SULF1: variants seen among roughly 807,000 people sequenced by gnomAD.
The protein encoded by SULF1 is extracellular sulfatase Sulf-1.
SULF1 carries 46 observed loss-of-function variants against 110.5 expected under a neutral mutation model. The ratio of observed to expected loss-of-function variants is 0.42; its 90% CI spans 0.33 to 0.53. SULF1 has a LOEUF of 0.53. SULF1 is among the 20% of genes least tolerant of loss of function. SULF1 has a pLI of 0.12. For missense variants in SULF1, 941 were observed against 1,094.2 expected, an observed-to-expected ratio of 0.86 and a Z score of 1.98; for synonymous variants, 371 against 387.1, an observed-to-expected ratio of 0.96 and a Z score of 0.49.
At chr8:69,470,518 C>G (rs1193787938) in intron 1 of SULF1, among the ~76,000 whole-genome samples, 2 of 152,076 alleles carry the variant, frequency 1.3e-5, no homozygotes, top group African/African-American at 4.8e-5. Context: ...AGTCTGTCAT[C>G]AAATTCTGTG....
intron 5 of SULF1, among the ~76,000 whole-genome samples, chr8:69,566,926 G>A (rs1815922990): frequency 6.6e-6 from 1 of 152,166 alleles, no homozygotes; most frequent in South Asian, 2.1e-4. Flanking sequence ...TTTAATTTAG[G>A]TATGAGAAAA....
At chr8:69,585,795 T>A (rs904757192) in intron 6 of SULF1, among the ~76,000 whole-genome samples, 2 of 152,322 alleles carry the variant, frequency 1.3e-5, no homozygotes, top group Middle Eastern at 3.4e-3. Flanking sequence ...ATACTATACA[T>A]GTGATATAAA....
At chr8:69,652,243 G>A (rs1321793009) in intron 22 of SULF1, among the ~76,000 whole-genome samples, 1 of 152,098 alleles carries the variant, frequency 6.6e-6, no homozygotes, top group Non-Finnish European at 1.5e-5. Context: ...CCAATCTCAG[G>A]ATCCATGACT....
chr8:69,479,882 T>C (rs978147647), intron 1 of SULF1, among the ~76,000 whole-genome samples: 9 of 152,162 alleles, frequency 5.9e-5, no homozygotes, highest in African/African-American at 9.6e-5. Flanking sequence ...CCACTTTACA[T>C]TGGGACCCGA....
chr8:69,617,804 A>G (rs1335057605), intron 13 of SULF1, among the ~76,000 whole-genome samples: 2 of 152,156 alleles, frequency 1.3e-5, no homozygotes, highest in African/African-American at 2.4e-5. Flanking sequence ...AACAACGCAC[A>G]TAGTCCTGAA....
chr8:69,557,040 C>T (rs527951493), intron 3 of SULF1, among the ~76,000 whole-genome samples: 1 of 152,160 alleles, frequency 6.6e-6, no homozygotes, highest in Non-Finnish European at 1.5e-5. Flanking sequence ...TCTGTTCCTA[C>T]GTTAGTTTGC....
At chr8:69,510,460 T>C (rs996021440) in intron 3 of SULF1, among the ~76,000 whole-genome samples, 1 of 152,204 alleles carries the variant, frequency 6.6e-6, no homozygotes, top group African/African-American at 2.4e-5. Flanking sequence ...TTCTGAAGAT[T>C]AGATGATTTC....
At chr8:69,603,547 C>T in intron 11 of SULF1, 53 bp from the exon 12 acceptor site, 2 of 1,460,898 alleles carry the variant, frequency 1.4e-6, no homozygotes, top group Non-Finnish European at 1.9e-6. Flanking sequence ...AGCACAGATC[C>T]ATTTGGAAAA....
intron 8 of SULF1, among the ~76,000 whole-genome samples, chr8:69,598,042 G>A (rs1014657894): frequency 1.3e-5 from 2 of 151,608 alleles, no homozygotes; most frequent in East Asian, 1.9e-4. Context: ...ACGAAACATG[G>A]GCTTAAGTCC....
chr8:69,557,512 TC>T (rs1470972567), intron 3 of SULF1, among the ~76,000 whole-genome samples: 1 of 152,180 alleles, frequency 6.6e-6, no homozygotes, highest in Non-Finnish European at 1.5e-5. Flanking sequence ...TCTCACTTCA[TC>T]CTTCTCACTC....
At chr8:69,602,254 T>G (rs1807887743) in intron 10 of SULF1, among the ~76,000 whole-genome samples, 1 of 152,212 alleles carries the variant, frequency 6.6e-6, no homozygotes, top group Non-Finnish European at 1.5e-5. Context: ...AAAGCTGGCT[T>G]TTCTTTTAAA....
intron 3 of SULF1, among the ~76,000 whole-genome samples, chr8:69,532,960 AT>A (rs1813192213): frequency 6.6e-6 from 1 of 152,242 alleles, no homozygotes; most frequent in South Asian, 2.1e-4. Context: ...TACAAATAAG[AT>A]TTAGATGTAC....
intron 13 of SULF1, among the ~76,000 whole-genome samples, chr8:69,618,222 G>T (rs1332507667): frequency 6.6e-6 from 1 of 152,150 alleles, no homozygotes; most frequent in Admixed American, 6.5e-5. Context: ...TCTTGTTTGT[G>T]TTGCCTTTTT....
At position 69,471,408 on chromosome 8, in the gene SULF1, A is replaced by C. The variant is rs561599874; in HGVS notation, c.-391+4458A>C. On this transcript the variant is annotated intron_variant, in intron 1 of 22. Coordinates refer to the SULF1 transcript ENST00000260128. Reference sequence around the variant, plus strand: ...CACCCAGGACAGGAAACGAAAAAAAAAAAAATGAAACTCAGTGGGTTTTAT... The same window carrying C: ...CACCCAGGACAGGAAACGAAAAAAACAAAAATGAAACTCAGTGGGTTTTAT... 5.3e-3 allele frequency among the ~76,000 whole-genome samples: 810 copies of C among 152,320 alleles called. 5 individuals are homozygous for C. The highest frequency in any genetic ancestry group is 0.017 in the African/African-American group (700 of 41,566).
At chr8:69,634,912 A>G (rs1263166455) in intron 19 of SULF1, among the ~76,000 whole-genome samples, 4 of 152,084 alleles carry the variant, frequency 2.6e-5, no homozygotes, top group Non-Finnish European at 5.9e-5. Flanking sequence ...GGTTCAAGTG[A>G]TTCTCCTGCC....
In SULF1 at chr8:69,601,862, TCG is replaced by T. The variant is rs760514495; in HGVS notation, c.1061+34_1061+35del. On this transcript the variant is annotated intron_variant, in intron 10 of 22. Coordinates refer to ENST00000402687, the MANE Select transcript of SULF1 (RefSeq NM_001128205.2). Reference sequence around the variant, plus strand: ...TTTCTCTGTTTGCAACATTCAACTGTCGTACCTCAAGTGTGTCTAAGATAATT... The same window carrying T: ...TTTCTCTGTTTGCAACATTCAACTGTTACCTCAAGTGTGTCTAAGATAATT... 5.1e-6 allele frequency: 8 copies of T among 1,572,268 alleles called. No homozygotes were observed. The Admixed American group carries it at 1.4e-4, about 28-fold the overall frequency.
At position 69,563,939 on chromosome 8, in the gene SULF1, G is replaced by A; in HGVS notation, c.-37G>A. 1 of 1,601,486 alleles carries A rather than the reference G, an allele frequency of 6.2e-7. No homozygotes were observed. ...AGAACTCCAGAAATCAGGAGACGGAGACATTTTGTCAGTTTTGCAACATTG... is the reference window on the plus strand; with the variant it reads ...AGAACTCCAGAAATCAGGAGACGGAAACATTTTGTCAGTTTTGCAACATTG... On this transcript the variant is annotated 5_prime_UTR_variant, in exon 5 of 23. Coordinates refer to ENST00000402687, the MANE Select transcript of SULF1 (RefSeq NM_001128205.2).
chr8:69,517,227 T>A (rs1451696702), intron 3 of SULF1, among the ~76,000 whole-genome samples: 1 of 152,116 alleles, frequency 6.6e-6, no homozygotes, highest in Non-Finnish European at 1.5e-5. Flanking sequence ...AGGAGCCCAC[T>A]CTCATGATAG....
chr8:69,495,617 A>G (rs1409857317), intron 1 of SULF1, 148 bp from the exon 2 acceptor site: 1 of 152,268 alleles, frequency 6.6e-6, no homozygotes, highest in African/African-American at 2.4e-5. Flanking sequence ...AGCTATGTGT[A>G]TCCTCAAAGA....
Sources: gnomAD v4.1 joint callset for allele counts (sites outside exome capture counted in the v4.1 genomes callset) on GRCh38, gnomAD v4.1.1 for gene constraint, MANE v1.5 for transcripts, NCBI Gene and HGNC (gene_info 2026-07-23, HGNC 2026-07-21) for gene names.